The following PRELID2 variants were observed in gnomAD, a reference collection of about 807,000 sequenced individuals.
PRELID2 encodes PRELI domain-containing protein 2.
PRELID2 carries 25 observed loss-of-function variants against 28.4 expected under a neutral mutation model. The observed-to-expected ratio is 0.88, with a 90% CI of 0.64 to 1.23. The LOEUF (loss-of-function observed/expected upper bound fraction) is 1.23, where lower values mean the gene tolerates loss of function less well. Among genes scored for constraint, PRELID2 ranks in the 50% most tolerant of loss-of-function variants. The probability of loss-of-function intolerance (pLI) is 0.00; values close to 1 mark genes in which losing one functional copy is unlikely to be tolerated. For synonymous variants in PRELID2, 76 were observed against 71.6 expected (o/e 1.06, Z -0.31); for missense variants, 201 against 214.4 (o/e 0.94, Z 0.39).
Position 145,533,874 on chromosome 5 carries a change from T to C in PRELID2, n.71-60559A>G, listed in dbSNP as rs151065544. On this transcript the variant is annotated intron_variant and non_coding_transcript_variant, in intron 1 of 2. Transcript: ENST00000510259. Reference sequence around the variant, plus strand: ...GAATTCAGGTGACCAACTGATTGGATGTTTCTCTTTTCATTTACATGTCTT... The same window carrying C: ...GAATTCAGGTGACCAACTGATTGGACGTTTCTCTTTTCATTTACATGTCTT... Among the ~76,000 whole-genome samples the C allele has an allele frequency of 3.4e-3, 513 of 152,222 alleles. 1 individual carries two copies. The highest frequency in any genetic ancestry group is 6.8e-3 in the Middle Eastern group (2 of 294).
intron 1 of PRELID2, among the ~76,000 whole-genome samples, chr5:145,676,067 A>G (rs1267654772): frequency 1.3e-5 from 2 of 151,918 alleles, no homozygotes; most frequent in African/African-American, 4.8e-5. Context: ...CTAAAAATAC[A>G]AAATTAGCCG....
At chr5:145,595,293 G>A (rs1644038469) in intron 1 of PRELID2, among the ~76,000 whole-genome samples, 1 of 151,538 alleles carries the variant, frequency 6.6e-6, no homozygotes, top group South Asian at 2.1e-4. Flanking sequence ...TTTTGGCACG[G>A]CCTTTCTATG....
At position 145,764,952 on chromosome 5, in the gene PRELID2, A is replaced by AG; in HGVS notation, c.522dup (p.Ala176SerfsTer2). 5 of 1,612,666 alleles carry AG rather than the reference A, an allele frequency of 3.1e-6. No homozygotes were observed. Among genetic ancestry groups the AG allele is most frequent in the Non-Finnish European group, 4.2e-6 (5 of 1,178,980 alleles). ...TCACTGATGATTCTTTATTCAGCTA[A>AG]GGGGGCACCACACTGTTCCTTTAGC... On this transcript the variant is annotated frameshift_variant, in exon 6 of 7. Coordinates refer to ENST00000683046, the MANE Select transcript of PRELID2 (RefSeq NM_205846.3). LOFTEE classifies it high-confidence loss of function.
At chr5:145,442,244 G>T in the PRELID2 span, among the ~76,000 whole-genome samples, 2 of 151,970 alleles carry the variant, frequency 1.3e-5, no homozygotes, top group African/African-American at 4.8e-5. Context: ...GAAATGTGTT[G>T]GTTCATGCAA....
intron 1 of PRELID2, among the ~76,000 whole-genome samples, chr5:145,536,435 C>T (rs778728562): frequency 1.2e-4 from 18 of 151,892 alleles, no homozygotes; most frequent in Non-Finnish European, 2.2e-4. Context: ...ATTTCACGGA[C>T]TTTGTACAAC....
At chr5:145,384,573 G>A in the PRELID2 span, among the ~76,000 whole-genome samples, 1 of 152,070 alleles carries the variant, frequency 6.6e-6, no homozygotes, top group African/African-American at 2.4e-5. Flanking sequence ...TGTGGTAATC[G>A]TATTAGGCTG....
the PRELID2 span, among the ~76,000 whole-genome samples, chr5:145,426,535 T>A: frequency 1.3e-5 from 2 of 152,166 alleles, no homozygotes; most frequent in Non-Finnish European, 2.9e-5. Context: ...AAGTATAATA[T>A]AAAGGGGATA....
intron 1 of PRELID2, among the ~76,000 whole-genome samples, chr5:145,552,065 C>T (rs1752840592): frequency 6.6e-6 from 1 of 152,102 alleles, no homozygotes; most frequent in East Asian, 1.9e-4. Context: ...AATTGAGCTC[C>T]CTTCCCAAAG....
the PRELID2 span, among the ~76,000 whole-genome samples, chr5:145,409,078 G>T: frequency 6.6e-6 from 1 of 152,100 alleles, no homozygotes; most frequent in Non-Finnish European, 1.5e-5. Context: ...CCTCCTTAAA[G>T]AAAATAATTG....
chr5:145,619,721 T>C (rs1753748916), intron 1 of PRELID2, among the ~76,000 whole-genome samples: 1 of 152,182 alleles, frequency 6.6e-6, no homozygotes, highest in African/African-American at 2.4e-5. Flanking sequence ...CTGCCTCGCA[T>C]CCACCATGAT....
At chr5:145,275,597 G>A in the PRELID2 span, among the ~76,000 whole-genome samples, 1 of 152,126 alleles carries the variant, frequency 6.6e-6, no homozygotes, top group Non-Finnish European at 1.5e-5. Context: ...CAATGAGTAT[G>A]GAGCCATAAG....
At chr5:145,267,122 A>C in the PRELID2 span, among the ~76,000 whole-genome samples, 1 of 152,106 alleles carries the variant, frequency 6.6e-6, no homozygotes, top group African/African-American at 2.4e-5. Flanking sequence ...CAAGTCCCAA[A>C]ACTGAAGAAC....
chr5:145,552,599 C>T (rs952446670), intron 1 of PRELID2, among the ~76,000 whole-genome samples: 49 of 152,152 alleles, frequency 3.2e-4, no homozygotes, highest in African/African-American at 1.2e-3. Flanking sequence ...ATAGAAGCAA[C>T]ACCAAGAAAT....
At chr5:145,716,721 T>C (rs1755854074) in intron 1 of PRELID2, among the ~76,000 whole-genome samples, 1 of 152,190 alleles carries the variant, frequency 6.6e-6, no homozygotes, top group South Asian at 2.1e-4. Context: ...CCATTTTCTA[T>C]GCTACTGAAG....
At chr5:145,452,361 C>T in the PRELID2 span, among the ~76,000 whole-genome samples, 1 of 152,154 alleles carries the variant, frequency 6.6e-6, no homozygotes, top group Non-Finnish European at 1.5e-5. Context: ...TTATTTATTG[C>T]AACTTACATT....
the PRELID2 span, among the ~76,000 whole-genome samples, chr5:145,373,905 T>TATAATATATATGATATTATATATTATAAC: frequency 1.7e-3 from 218 of 131,374 alleles, no homozygotes; most frequent in Non-Finnish European, 2.5e-3. Flanking sequence ...TTACAACATA[T>TATAATATATATGATATTATATATTATAAC]ATAATATATA....
At chr5:145,485,753 A>G (rs1013824270) in intron 1 of PRELID2, among the ~76,000 whole-genome samples, 2 of 152,198 alleles carry the variant, frequency 1.3e-5, no homozygotes, top group Non-Finnish European at 2.9e-5. Context: ...CATAAACATA[A>G]GGTACATGCT....
chr5:145,722,966 A>G (rs1402886338), intron 1 of PRELID2, among the ~76,000 whole-genome samples: 2 of 152,164 alleles, frequency 1.3e-5, no homozygotes, highest in Admixed American at 1.3e-4. Context: ...CAAACTATCA[A>G]TAACCAGAGA....
the PRELID2 span, among the ~76,000 whole-genome samples, chr5:145,272,813 TATTTTAATATTCTATAA>T: frequency 1.8e-4 from 27 of 152,136 alleles, no homozygotes; most frequent in Non-Finnish European, 2.6e-4. Flanking sequence ...TATAGACATA[TATTTTAATATTCTATAA>T]ATTTTTCGCT....
Sources: allele counts gnomAD v4.1 joint callset (sites outside exome capture counted in the v4.1 genomes callset), GRCh38; gene constraint gnomAD v4.1.1; transcripts MANE v1.5; gene names NCBI Gene and HGNC (gene_info 2026-07-23, HGNC 2026-07-21).